The following DCBLD2 variants were observed in gnomAD, a reference collection of about 807,000 sequenced individuals.
DCBLD2 encodes discoidin, CUB and LCCL domain-containing protein 2.
In DCBLD2, 54 loss-of-function variants were observed where a neutral mutation model predicts 86.8. That is an observed-to-expected ratio of 0.62 (90% CI 0.50 to 0.78). DCBLD2 has a LOEUF of 0.78. Among genes scored for constraint, DCBLD2 ranks in the 30% least tolerant of loss-of-function variants. The pLI is 0.00. For missense variants in DCBLD2, 908 were observed against 954.2 expected (o/e 0.95, Z 0.64); for synonymous variants, 354 against 341.3 (o/e 1.04, Z -0.41).
chr3:98,882,476 G>A (rs960034259), intron 1 of DCBLD2, among the ~76,000 whole-genome samples: 8 of 151,848 alleles, frequency 5.3e-5, no homozygotes, highest in South Asian at 2.1e-4. Flanking sequence ...TGCACAATGC[G>A]CAGGTTACAC....
intron 4 of DCBLD2, among the ~76,000 whole-genome samples, chr3:98,824,097 TAGAG>T (rs1464532492): frequency 2.0e-5 from 3 of 152,082 alleles, no homozygotes; most frequent in Non-Finnish European, 4.4e-5. Context: ...TAAGGTTAGT[TAGAG>T]AGAAGACTGG....
chr3:98,861,692 C>G (rs571742610), intron 2 of DCBLD2, among the ~76,000 whole-genome samples: 1 of 152,088 alleles, frequency 6.6e-6, no homozygotes, highest in East Asian at 1.9e-4. Flanking sequence ...AACAAAGACA[C>G]AACATACCAG....
intron 3 of DCBLD2, among the ~76,000 whole-genome samples, chr3:98,838,637 G>A (rs960413296): frequency 6.6e-6 from 1 of 152,112 alleles, no homozygotes; most frequent in Non-Finnish European, 1.5e-5. Flanking sequence ...TCACTTCCCA[G>A]ACGGGGTGGC....
At chr3:98,889,347 C>G (rs1943616651) in intron 1 of DCBLD2, among the ~76,000 whole-genome samples, 1 of 151,926 alleles carries the variant, frequency 6.6e-6, no homozygotes, top group African/African-American at 2.4e-5. Context: ...GAATCACTTA[C>G]AGGCTAATTA....
chr3:98,857,521 G>A (rs1942957639), intron 2 of DCBLD2, among the ~76,000 whole-genome samples: 1 of 152,160 alleles, frequency 6.6e-6, no homozygotes, highest in Non-Finnish European at 1.5e-5. Context: ...GCTGATTGGT[G>A]CGTTTACAAT....
At chr3:98,803,498 A>G (rs1403879718) in intron 13 of DCBLD2, among the ~76,000 whole-genome samples, 1 of 152,162 alleles carries the variant, frequency 6.6e-6, no homozygotes, top group Non-Finnish European at 1.5e-5. Flanking sequence ...AAACAGGGAA[A>G]ATTTGACTTC....
At chr3:98,894,048 A>G (rs1422077283) in intron 1 of DCBLD2, among the ~76,000 whole-genome samples, 1 of 152,188 alleles carries the variant, frequency 6.6e-6, no homozygotes, top group African/African-American at 2.4e-5. Context: ...ACATGGGCCC[A>G]AGTTTGGGAA....
At chr3:98,833,068 G>A (rs1419582938) in intron 3 of DCBLD2, among the ~76,000 whole-genome samples, 1 of 152,194 alleles carries the variant, frequency 6.6e-6, no homozygotes, top group Non-Finnish European at 1.5e-5. Context: ...GGATATCAGT[G>A]ATTTGCAGAT....
chr3:98,872,832 T>C (rs866005869), intron 2 of DCBLD2, among the ~76,000 whole-genome samples: 3 of 152,018 alleles, frequency 2.0e-5, no homozygotes, highest in East Asian at 3.9e-4. Context: ...ACAAATATAA[T>C]ATACATAACT....
chr3:98,888,560 A>G (rs1301575239), intron 1 of DCBLD2, among the ~76,000 whole-genome samples: 2 of 152,022 alleles, frequency 1.3e-5, no homozygotes, highest in Admixed American at 1.3e-4. Flanking sequence ...TACCATACGA[A>G]AACAACTGGT....
At chr3:98,808,004 A>G in intron 13 of DCBLD2, 77 bp downstream of exon 13, 1 of 1,126,206 alleles carries the variant, frequency 8.9e-7, no homozygotes. Context: ...AAACAGGTAA[A>G]CATTTTCATC....
chr3:98,837,890 C>A (rs200842489), intron 3 of DCBLD2, among the ~76,000 whole-genome samples: 1 of 106,790 alleles, frequency 9.4e-6, no homozygotes, highest in Non-Finnish European at 2.0e-5. Flanking sequence ...ACCTCCCTCC[C>A]GGATGGGGCG....
Position 98,825,342 on chromosome 3 carries a change from G to T in DCBLD2, c.596C>A (p.Ala199Glu). 6.4e-7 allele frequency: 1 copy of T among 1,551,116 alleles called. No individual in the cohort carries two copies. The highest frequency in any genetic ancestry group is 2.1e-5 in the Admixed American group (1 of 47,132). ...KQDLITCLDT[A>E]SNFLEPEFSK... ...GAACTCAGGTTCCAAAAAATTGGATGCAGTGTCCAAACAAGTAATTAGATC... is the reference window on the plus strand; with the variant it reads ...GAACTCAGGTTCCAAAAAATTGGATTCAGTGTCCAAACAAGTAATTAGATC... The change falls in exon 4 of 16, where the codon GCA (alanine) becomes GAA (glutamate). Residue 199 changes from alanine (A) to glutamate (E), a missense_variant. Physicochemically the swap from Ala to Glu is moderately radical, Grantham distance 107. Coordinates refer to ENST00000326840, the MANE Select transcript of DCBLD2 (RefSeq NM_080927.4).
intron 1 of DCBLD2, among the ~76,000 whole-genome samples, chr3:98,897,813 A>C (rs1943776364): frequency 6.6e-6 from 1 of 152,134 alleles, no homozygotes; most frequent in African/African-American, 2.4e-5. Context: ...ACCATGTTCA[A>C]ATTACATTCT....
At chr3:98,856,650 C>A (rs1942935438) in intron 2 of DCBLD2, among the ~76,000 whole-genome samples, 1 of 151,956 alleles carries the variant, frequency 6.6e-6, no homozygotes, top group Non-Finnish European at 1.5e-5. Context: ...TATGATAAAA[C>A]ATCTTGAAGC....
chr3:98,825,413 A>C (rs746859354), intron 3 of DCBLD2, 47 bp from the exon 4 acceptor site: 1 of 1,370,968 alleles, frequency 7.3e-7, no homozygotes, highest in South Asian at 1.4e-5. Context: ...ATACAGGATT[A>C]CCTTGCTGAA....
intron 2 of DCBLD2, among the ~76,000 whole-genome samples, chr3:98,859,184 G>A (rs1486769673): frequency 6.6e-6 from 1 of 152,204 alleles, no homozygotes; most frequent in African/African-American, 2.4e-5. Flanking sequence ...GGGGAGGGGA[G>A]CCCACCATTG....
chr3:98,847,363 T>C (rs1014636806), intron 3 of DCBLD2, among the ~76,000 whole-genome samples: 1 of 152,194 alleles, frequency 6.6e-6, no homozygotes, highest in Non-Finnish European at 1.5e-5. Context: ...TCACACTGAC[T>C]AAGTTTTCCT....
At chr3:98,877,830 A>G (rs566070795) in intron 2 of DCBLD2, among the ~76,000 whole-genome samples, 108 of 152,222 alleles carry the variant, frequency 7.1e-4, no homozygotes, top group African/African-American at 2.3e-3. Context: ...TACTCAAATA[A>G]TGATGAGGAC....
Sources: allele counts gnomAD v4.1 joint callset (sites outside exome capture counted in the v4.1 genomes callset), GRCh38; gene constraint gnomAD v4.1.1; transcripts MANE v1.5; gene names NCBI Gene and HGNC (gene_info 2026-07-23, HGNC 2026-07-21).